The following NRSN1 variants were observed in gnomAD, a reference collection of about 807,000 sequenced individuals.
NRSN1 encodes neurensin-1.
In NRSN1, 14 loss-of-function variants were observed where a neutral mutation model predicts 17.3. The observed-to-expected ratio is 0.81, with a 90% CI of 0.54 to 1.27. The LOEUF (loss-of-function observed/expected upper bound fraction) is 1.27, where lower values mean the gene tolerates loss of function less well. NRSN1 is among the 50% of genes most tolerant of loss of function. The probability of loss-of-function intolerance (pLI) is 0.00; values close to 1 mark genes in which losing one functional copy is unlikely to be tolerated. For missense variants in NRSN1, 209 were observed against 235.9 expected (o/e 0.89, Z 0.75); for synonymous variants, 79 against 94.2 (o/e 0.84, Z 0.93).
intron 2 of NRSN1, among the ~76,000 whole-genome samples, chr6:24,132,754 G>A (rs960670974): frequency 5.9e-5 from 9 of 152,048 alleles, no homozygotes; most frequent in African/African-American, 1.9e-4. Flanking sequence ...GTATACATGT[G>A]CCATGGTGAT....
In NRSN1 at chr6:24,146,855, GTGATCTTGGGGAAATTA is replaced by G. The variant is rs1410761094; in HGVS notation, c.*911_*927del. 2.6e-5 allele frequency: 4 copies of G among 152,294 alleles called. No homozygotes were observed. Among genetic ancestry groups the G allele is most frequent in the Non-Finnish European group, 4.4e-5 (3 of 68,154 alleles). 9.4% of individuals were successfully genotyped at this position (152,294 alleles called of 1,614,324 possible). ...AGTTTTAGTTCCTTCTACTACCTGT[GTGATCTTGGGGAAATTA>G]TTTAACCTCTCAGTCCTAATTTTCC... On this transcript the variant is annotated 3_prime_UTR_variant, in exon 4 of 4. Coordinates refer to ENST00000378491, the MANE Select transcript of NRSN1 (RefSeq NM_080723.5).
chr6:24,126,257 CGGTGGCGACGGCGAT>C lies in NRSN1; in HGVS notation c.-163_-149del. The stretch of plus-strand genomic sequence containing the variant: ...TGAGCTCTACGAGGCGGAGCGGCGG[CGGTGGCGACGGCGAT>C]GGGACCCCAGCGAGAGATCTGCAGC... On this transcript the variant is annotated 5_prime_UTR_variant, in exon 1 of 4. An upstream start codon of the reference 5' UTR is lost. Transcript: ENST00000378491. 1 of 177,706 alleles carries C rather than the reference CGGTGGCGACGGCGAT, an allele frequency of 5.6e-6. No individual in the cohort carries two copies. The highest frequency in any genetic ancestry group is 1.2e-5 in the Non-Finnish European group (1 of 85,882). 11.0% of individuals were successfully genotyped at this position (177,706 alleles called of 1,614,324 possible).
intron 2 of NRSN1, among the ~76,000 whole-genome samples, chr6:24,133,248 C>G (rs754080538): frequency 5.3e-5 from 8 of 152,330 alleles, no homozygotes; most frequent in Non-Finnish European, 1.2e-4. Flanking sequence ...GTTGTGTCCA[C>G]TCTCCACATT....
chr6:24,138,042 C>T (rs1041328969), intron 3 of NRSN1, among the ~76,000 whole-genome samples: 2 of 152,048 alleles, frequency 1.3e-5, no homozygotes, highest in African/African-American at 4.8e-5. Context: ...CATACAAAAG[C>T]CAGTTCACAG....
Position 24,146,721 on chromosome 6 carries a change from T to C in NRSN1, c.*775T>C, listed in dbSNP as rs1760312943. ...TTAGAGGCAGGATCTTGCTGTCCAATTTTTTTTAAAAAGCTAAAATTGCCA... is the reference window on the plus strand; with the variant it reads ...TTAGAGGCAGGATCTTGCTGTCCAACTTTTTTTAAAAAGCTAAAATTGCCA... On this transcript the variant is annotated 3_prime_UTR_variant, in exon 4 of 4. Coordinates refer to ENST00000378491, the MANE Select transcript of NRSN1 (RefSeq NM_080723.5). The C allele has an allele frequency of 6.5e-6, 1 of 153,506 alleles. No individual in the cohort carries two copies. The highest frequency in any genetic ancestry group is 2.0e-4 in the South Asian group (1 of 4,916). 9.5% of individuals were successfully genotyped at this position (153,506 alleles called of 1,614,324 possible). A position where few individuals can be genotyped will look rare whatever the true frequency, so the allele number is the denominator to read the frequency against.
chr6:24,144,960 G>A (rs563583419), intron 3 of NRSN1, among the ~76,000 whole-genome samples: 2 of 148,980 alleles, frequency 1.3e-5, no homozygotes, highest in African/African-American at 4.9e-5. Context: ...TTTGTCAACT[G>A]CAAAGCATTG....
intron 3 of NRSN1, chr6:24,141,155 T>C: frequency 7.9e-7 from 1 of 1,272,402 alleles, no homozygotes; most frequent in East Asian, 3.1e-5. Context: ...ACGAGGCTGC[T>C]TTGCTTCCTC....
chr6:24,126,611 TG>T (rs1561864311), intron 1 of NRSN1, among the ~76,000 whole-genome samples: 1 of 152,130 alleles, frequency 6.6e-6, no homozygotes, highest in Non-Finnish European at 1.5e-5. Context: ...TGTAAGAATT[TG>T]GGGGGTGGGG....
intron 3 of NRSN1, among the ~76,000 whole-genome samples, chr6:24,142,775 T>C (rs1760231735): frequency 1.3e-5 from 2 of 152,004 alleles, no homozygotes; most frequent in South Asian, 4.2e-4. Context: ...CTCATAAAGG[T>C]AGTGCGGACC....
At chr6:24,132,543 G>A (rs948414123) in intron 2 of NRSN1, among the ~76,000 whole-genome samples, 33 of 152,076 alleles carry the variant, frequency 2.2e-4, no homozygotes, top group African/African-American at 7.7e-4. Flanking sequence ...ACTATCTACA[G>A]GATAATTTTT....
At chr6:24,138,485 C>T (rs1237627358) in intron 3 of NRSN1, among the ~76,000 whole-genome samples, 3 of 152,152 alleles carry the variant, frequency 2.0e-5, no homozygotes, top group Non-Finnish European at 2.9e-5. Flanking sequence ...GTCTTCTCAC[C>T]CCCAGTCATT....
At position 24,134,478 on chromosome 6, in the gene NRSN1, C is replaced by A; in HGVS notation, c.151C>A (p.Gln51Lys). 6.2e-7 allele frequency: 1 copy of A among 1,614,028 alleles called. No homozygotes were observed. Among genetic ancestry groups the A allele is most frequent in the Non-Finnish European group, 8.5e-7 (1 of 1,179,966 alleles). ...IWEYEDDFQI[Q>K]RSPNRWSSVF... ...GGAGTATGAGGATGATTTCCAGATC[C>A]AAAGATCACCTAACAGGTGGAGCTC... The change falls in exon 3 of 4, where the codon CAA becomes AAA. Residue 51 changes from glutamine (Q) to lysine (K), a missense_variant. Physicochemically the swap from Gln to Lys is moderately conservative, Grantham distance 53. Transcript: ENST00000378491.
rs1433958585 is a variant in NRSN1, at chr6:24,134,256, TA to T, written c.-9-62del. On this transcript the variant is annotated intron_variant, in intron 2 of 3. Transcript: ENST00000378491. Reference sequence around the variant, plus strand: ...TACTCAGTCTGGTTCTTACCTTTCATATGTCTTTTGATCCTGTGGCCAAAGC... The same window carrying T: ...TACTCAGTCTGGTTCTTACCTTTCATTGTCTTTTGATCCTGTGGCCAAAGC... 22 of 1,326,950 alleles carry T rather than the reference TA, an allele frequency of 1.7e-5. No individual in the cohort carries two copies. In the East Asian group the frequency reaches 5.1e-4, roughly 31 times the overall value. The allele number at this position is 1,326,950 out of a possible 1,614,324, so 82.2% of individuals were successfully genotyped here. A position where few individuals can be genotyped will look rare whatever the true frequency, so the allele number is the denominator to read the frequency against.
rs751168423 is a variant in NRSN1 at position 24,142,191 on chromosome 6, C to CTTTTTTTTTTTTTTTTTTT, written c.190-3352_190-3334dup. Among the ~76,000 whole-genome samples, 19 of 44,458 alleles carry CTTTTTTTTTTTTTTTTTTT rather than the reference C, an allele frequency of 4.3e-4. 4 individuals are homozygous for CTTTTTTTTTTTTTTTTTTT. The highest frequency in any genetic ancestry group is 1.3e-3 in the East Asian group (2 of 1,496). The allele number at this position is 44,458 out of a possible 152,430, so 29.2% of individuals were successfully genotyped here. On this transcript the variant is annotated intron_variant, in intron 3 of 3. Transcript: ENST00000378491. ...AGCACTTATGTCTTATACAGAACAG[C>CTTTTTTTTTTTTTTTTTTT]TTTTTTTTTTTTTTTTTTTTTTTCA...
At chr6:24,134,029 T>TGTGTGTGTGTGC (rs1403481104) in intron 2 of NRSN1, among the ~76,000 whole-genome samples, 6 of 151,498 alleles carry the variant, frequency 4.0e-5, no homozygotes, top group Non-Finnish European at 8.8e-5. Flanking sequence ...TGTGTGTGTG[T>TGTGTGTGTGTGC]GTGTGTGTGT....
chr6:24,146,086 C>A lies in NRSN1; in HGVS notation c.*140C>A. On this transcript the variant is annotated 3_prime_UTR_variant, in exon 4 of 4. Transcript: ENST00000378491. ...GTGGGCAATATAATGGGTGGACTCA[C>A]ACTTGCTCAGTTCAGGCAGCTCTGC... The A allele has an allele frequency of 1.1e-6, 1 of 891,472 alleles. No homozygotes were observed. Among genetic ancestry groups the A allele is most frequent in the Non-Finnish European group, 1.9e-6 (1 of 532,826 alleles). 55.2% of individuals were successfully genotyped at this position (891,472 alleles called of 1,614,324 possible). A position where few individuals can be genotyped will look rare whatever the true frequency, so the allele number is the denominator to read the frequency against.
chr6:24,133,937 C>T (rs575229475), intron 2 of NRSN1, among the ~76,000 whole-genome samples: 6 of 151,968 alleles, frequency 3.9e-5, no homozygotes, highest in Non-Finnish European at 8.8e-5. Flanking sequence ...CCCGGGTTCA[C>T]GCCATTCTCC....
At position 24,145,522 on chromosome 6, in the gene NRSN1, T is replaced by C; in HGVS notation, c.190-26T>C. On this transcript the variant is annotated intron_variant, in intron 3 of 3. Coordinates refer to ENST00000378491, the MANE Select transcript of NRSN1 (RefSeq NM_080723.5). The surrounding 1 kb of genome is among the most constrained non-coding windows in gnomAD (Gnocchi z 4.4). ...GCCGAAGCACCTTCCTCACTCTATC[T>C]TGCTTCTGTCATTATCTACCTGTAG... is the stretch of plus-strand genomic sequence containing the variant. 1 of 1,545,838 alleles carries C rather than the reference T, an allele frequency of 6.5e-7. No individual in the cohort carries two copies. The highest frequency in any genetic ancestry group is 1.3e-5 in the South Asian group (1 of 79,620).
At chr6:24,128,658 G>A (rs532413326) in intron 2 of NRSN1, 7 of 152,252 alleles carry the variant, frequency 4.6e-5, no homozygotes, top group South Asian at 2.1e-4. Flanking sequence ...CTGACCTTTC[G>A]GCTTGGTGTT....
Sources: gnomAD v4.1 joint callset for allele counts (sites outside exome capture counted in the v4.1 genomes callset) on GRCh38, gnomAD v4.1.1 for gene constraint, Gnocchi (gnomAD v3.1) non-coding constraint, MANE v1.5 for transcripts, NCBI Gene and HGNC (gene_info 2026-07-23, HGNC 2026-07-21) for gene names.